Variants in ARID1B observed in about 807,000 individuals in gnomAD.
ARID1B encodes the protein AT-rich interaction domain 1B, also known as AT-rich interactive domain-containing protein 1B.
In ARID1B, 30 loss-of-function variants were observed where a neutral mutation model predicts 212.3. The ratio of observed to expected loss-of-function variants is 0.14; its 90% confidence interval spans 0.11 to 0.19. The LOEUF is 0.19. ARID1B is among the 10% of genes least tolerant of loss of function. The pLI is 1.00. For synonymous variants in ARID1B, 1,402 were observed against 1,301.7 expected (o/e 1.08, Z -1.66); for missense variants, 2,891 against 3,204.0 (o/e 0.90, Z 2.36).
Position 156,893,045 on chromosome 6 carries a change from C to CTTTTTTTTTT in ARID1B, c.1987-8325_1987-8316dup, listed in dbSNP as rs567719662. Among the ~76,000 whole-genome samples, 43 of 85,912 alleles carry CTTTTTTTTTT rather than the reference C, an allele frequency of 5.0e-4. 4 individuals carry two copies. Among genetic ancestry groups the CTTTTTTTTTT allele is most frequent in the African/African-American group, 2.0e-3 (42 of 21,314 alleles). 56.4% of individuals were successfully genotyped at this position (85,912 alleles called of 152,430 possible). On this transcript the variant is annotated intron_variant, in intron 2 of 19. Transcript: ENST00000636930. Reference sequence around the variant, plus strand: ...AACTCTTTTTTTTTCTTTTTTCTTCCTTTTTTTTTTTTTTTGAGATGGAGT... The same window carrying CTTTTTTTTTT: ...AACTCTTTTTTTTTCTTTTTTCTTCCTTTTTTTTTTTTTTTTTTTTTTTTTGAGATGGAGT...
At chr6:156,961,448 C>G (rs969701683) in intron 4 of ARID1B, among the ~76,000 whole-genome samples, 2 of 151,374 alleles carry the variant, frequency 1.3e-5, no homozygotes, top group Non-Finnish European at 2.9e-5. Context: ...GGTGATGCAG[C>G]CTTGGGCCCC....
intron 3 of ARID1B, among the ~76,000 whole-genome samples, chr6:156,918,429 C>G (rs1790529617): frequency 6.6e-6 from 1 of 152,092 alleles, no homozygotes; most frequent in African/African-American, 2.4e-5. Flanking sequence ...AAAACAAGGA[C>G]ATATATAGTT....
At chr6:156,996,794 T>A (rs1414762337) in intron 4 of ARID1B, among the ~76,000 whole-genome samples, 1 of 152,238 alleles carries the variant, frequency 6.6e-6, no homozygotes, top group Non-Finnish European at 1.5e-5. Flanking sequence ...AATTGCAGTT[T>A]TACAATTGCG....
chr6:157,177,669 T>C (rs1044265230), intron 11 of ARID1B, among the ~76,000 whole-genome samples: 2 of 152,252 alleles, frequency 1.3e-5, no homozygotes, highest in African/African-American at 4.8e-5. Flanking sequence ...AATGTACTTA[T>C]AGGCTTAATT....
chr6:156,874,955 C>T (rs1017577275), intron 2 of ARID1B, among the ~76,000 whole-genome samples: 5 of 152,144 alleles, frequency 3.3e-5, no homozygotes, highest in African/African-American at 7.2e-5. Flanking sequence ...TGGATTTTAT[C>T]GCTGTGGCAC....
At chr6:156,862,290 A>G (rs1785387956) in intron 2 of ARID1B, among the ~76,000 whole-genome samples, 2 of 152,320 alleles carry the variant, frequency 1.3e-5, no homozygotes, top group Admixed American at 6.5e-5. Flanking sequence ...CTCAGATTTT[A>G]CTACAGTTGG....
chr6:156,863,975 A>G (rs544685872), intron 2 of ARID1B, among the ~76,000 whole-genome samples: 1 of 152,336 alleles, frequency 6.6e-6, no homozygotes, highest in African/African-American at 2.4e-5. Context: ...CAGACTTGCA[A>G]TACCATCATC....
At chr6:157,056,476 T>C (rs764738729) in intron 4 of ARID1B, among the ~76,000 whole-genome samples, 1 of 152,238 alleles carries the variant, frequency 6.6e-6, no homozygotes, top group Non-Finnish European at 1.5e-5. Flanking sequence ...GTGAGATAAG[T>C]AATTTCTTAC....
intron 4 of ARID1B, among the ~76,000 whole-genome samples, chr6:157,056,221 C>T (rs531664379): frequency 2.8e-4 from 42 of 152,308 alleles, no homozygotes; most frequent in Non-Finnish European, 5.1e-4. Context: ...TCTTAAAAAT[C>T]TGCCTCCCAC....
rs1554231858 is a variant in ARID1B at position 157,184,347 on chromosome 6, C to T, written c.3831C>T (p.Cys1277=). The change falls in exon 13 of 20, where the codon TGC becomes TGT. Residue 1277 remains cysteine (C), a synonymous_variant. Transcript: ENST00000636930. ...TTCAGTACCTGTTTGCCTTTGAGTGCAAGATCGAACGTGGGGAGGAGCCCC... is the reference window on the plus strand; with the variant it reads ...TTCAGTACCTGTTTGCCTTTGAGTGTAAGATCGAACGTGGGGAGGAGCCCC... The part of the protein sequence containing the change: ...QYIQYLFAFE[C]KIERGEEPPP... The T allele has an allele frequency of 6.2e-7, 1 of 1,614,186 alleles. No homozygotes were observed. The highest frequency in any genetic ancestry group is 8.5e-7 in the Non-Finnish European group (1 of 1,180,030).
intron 4 of ARID1B, among the ~76,000 whole-genome samples, chr6:156,950,611 G>A (rs1400622877): frequency 6.6e-6 from 1 of 152,074 alleles, no homozygotes; most frequent in Admixed American, 6.5e-5. Context: ...TTTGCGGGGG[G>A]GTAACAACCT....
chr6:156,793,667 A>G (rs1057496879), intron 1 of ARID1B, among the ~76,000 whole-genome samples: 11 of 152,196 alleles, frequency 7.2e-5, no homozygotes, highest in Non-Finnish European at 1.5e-4. Context: ...GGTGGGCTGC[A>G]TAGGACTGAT....
At chr6:157,093,743 T>A (rs545843122) in intron 5 of ARID1B, among the ~76,000 whole-genome samples, 3 of 152,212 alleles carry the variant, frequency 2.0e-5, no homozygotes, top group Non-Finnish European at 4.4e-5. Flanking sequence ...ATTACTTCAT[T>A]TGATGGTTTT....
intron 4 of ARID1B, among the ~76,000 whole-genome samples, chr6:156,993,907 G>T (rs1029970294): frequency 1.3e-5 from 2 of 152,116 alleles, no homozygotes; most frequent in African/African-American, 4.8e-5. Context: ...CAAACATTTT[G>T]CTGAATAGGT....
chr6:156,944,578 C>T (rs892611073), intron 4 of ARID1B, among the ~76,000 whole-genome samples: 15 of 152,176 alleles, frequency 9.9e-5, no homozygotes, highest in Non-Finnish European at 1.5e-4. Context: ...AGCTGCAGGA[C>T]GCCGAAATCT....
chr6:156,939,583 A>G (rs886326185), intron 4 of ARID1B: 18 of 152,236 alleles, frequency 1.2e-4, no homozygotes, highest in African/African-American at 4.3e-4. Context: ...ATTTTCTTTT[A>G]ATTGCTAAGG....
At chr6:157,205,421 C>G (rs1794373478) in intron 19 of ARID1B, 1 of 152,140 alleles carries the variant, frequency 6.6e-6, no homozygotes, top group African/African-American at 2.4e-5. Flanking sequence ...TTGGTTTTTT[C>G]TTGGTACAGT....
rs1485295709 is a variant in ARID1B, at chr6:157,170,413, T to C, written c.3235+3228T>C. ...GGTCTTCAGCCTCATTGCGAGGGGC[T>C]GGTTGTCCGGGTTGTTTGTAGAGGT... On this transcript the variant is annotated intron_variant, in intron 9 of 19. Coordinates refer to ENST00000636930, the MANE Select transcript of ARID1B (RefSeq NM_001374828.1). 4.6e-5 allele frequency among the ~76,000 whole-genome samples: 7 copies of C among 152,212 alleles called. No individual in the cohort carries two copies. The East Asian group carries it at 1.3e-3, about 29-fold the overall frequency.
rs1053811276 is a variant in ARID1B at position 157,059,368 on chromosome 6, TAA to T, written c.2248-25292_2248-25291del. 3.9e-5 allele frequency among the ~76,000 whole-genome samples: 6 copies of T among 152,306 alleles called. No homozygotes were observed. The South Asian group carries it at 1.0e-3, about 26-fold the overall frequency. ...GCTAAGCCCTTGCTTTTTAGAGAGATAAAGTTACTTATCGTGTTTTCCTTTCT... is the reference window on the plus strand; with the variant it reads ...GCTAAGCCCTTGCTTTTTAGAGAGATAGTTACTTATCGTGTTTTCCTTTCT... On this transcript the variant is annotated intron_variant, in intron 4 of 19. Coordinates refer to ENST00000636930, the MANE Select transcript of ARID1B (RefSeq NM_001374828.1).
Sources: gnomAD v4.1 joint callset for allele counts (sites outside exome capture counted in the v4.1 genomes callset) on GRCh38, gnomAD v4.1.1 for gene constraint, MANE v1.5 for transcripts, NCBI Gene and HGNC (gene_info 2026-07-23, HGNC 2026-07-21) for gene names.